Variants in OGFOD1 observed in about 807,000 individuals in gnomAD.
OGFOD1 encodes the protein prolyl 3-hydroxylase OGFOD1.
A neutral mutation model predicts 67.7 loss-of-function variants in OGFOD1; 54 were observed. The observed-to-expected ratio is 0.80, with a 90% CI of 0.64 to 1.00. The LOEUF is 1.00. Among genes scored for constraint, OGFOD1 ranks in the 50% least tolerant of loss-of-function variants. The probability of loss-of-function intolerance (pLI) is 0.00; values close to 1 mark genes in which losing one functional copy is unlikely to be tolerated. For synonymous variants in OGFOD1, 221 were observed against 227.0 expected, an observed-to-expected ratio of 0.97 and a Z score of 0.24; for missense variants, 606 against 646.7, an observed-to-expected ratio of 0.94 and a Z score of 0.68.
Position 56,466,206 on chromosome 16 carries a change from T to C in OGFOD1, c.503T>C (p.Leu168Pro), listed in dbSNP as rs1230690134. The change falls in exon 5 of 13, where the codon CTG becomes CCG. Residue 168 changes from leucine (L) to proline (P), a missense_variant. Coordinates refer to ENST00000566157, the MANE Select transcript of OGFOD1 (RefSeq NM_018233.4). ...GAAGGGCGCCGGATTGCCTTCATCC[T>C]GTACCTGGTTCCTCCCTGGGACAGG... is the stretch of plus-strand genomic sequence containing the variant. ...ELEGRRIAFI[L>P]YLVPPWDRSM... 1.2e-6 allele frequency: 2 copies of C among 1,614,142 alleles called. No individual in the cohort carries two copies. Among genetic ancestry groups the C allele is most frequent in the Non-Finnish European group, 1.7e-6 (2 of 1,179,986 alleles).
At position 56,470,666 on chromosome 16, in the gene OGFOD1, T is replaced by A; in HGVS notation, c.1160T>A (p.Ile387Asn). The A allele has an allele frequency of 6.2e-7, 1 of 1,614,100 alleles. No homozygotes were observed. Among genetic ancestry groups the A allele is most frequent in the Non-Finnish European group, 8.5e-7 (1 of 1,180,018 alleles). Reference sequence around the variant, plus strand: ...AAAAAAGAGGCAGAAACCACTGATATCACTGAAGAAGGGACTAGCCATAGT... The same window carrying A: ...AAAAAAGAGGCAGAAACCACTGATAACACTGAAGAAGGGACTAGCCATAGT... ...NDKKEAETTD[I>N]TEEGTSHSPP... The change falls in exon 10 of 13, where the codon ATC becomes AAC. Residue 387 changes from isoleucine (I) to asparagine (N), a missense_variant. Physicochemically the swap from Ile to Asn is moderately radical, Grantham distance 149. Coordinates refer to ENST00000566157, the MANE Select transcript of OGFOD1 (RefSeq NM_018233.4).
chr16:56,454,663 A>G (rs1172061001), intron 2 of OGFOD1: 2 of 343,148 alleles, frequency 5.8e-6, no homozygotes, highest in South Asian at 2.2e-5. Context: ...GAAAAAAAAA[A>G]GAAAGATTAA....
chr16:56,451,539 A>AT (rs771063435), upstream of OGFOD1: 17 of 1,517,916 alleles, frequency 1.1e-5, no homozygotes, highest in Non-Finnish European at 1.5e-5. Flanking sequence ...TAAAGGGGAC[A>AT]TGCCGGGAGT....
At chr16:56,470,447 C>A in intron 9 of OGFOD1, 40 bp from the exon 10 acceptor site, 2 of 1,537,814 alleles carry the variant, frequency 1.3e-6, no homozygotes, top group East Asian at 2.2e-5. Flanking sequence ...CATTTTACAT[C>A]TGTGGCTTTG....
At chr16:56,466,797 T>A in intron 5 of OGFOD1, 79 bp from the exon 6 acceptor site, 1 of 1,058,466 alleles carries the variant, frequency 9.4e-7, no homozygotes, top group African/African-American at 1.6e-5. Context: ...CCTCAGAAGT[T>A]TGGAAATTGT....
chr16:56,469,806 C>A (rs1426239803), intron 8 of OGFOD1, among the ~76,000 whole-genome samples, 197 bp from the exon 9 acceptor site: 1 of 143,622 alleles, frequency 7.0e-6, no homozygotes, highest in East Asian at 2.1e-4. Flanking sequence ...GCCGAGATCA[C>A]GCCATTGTAC....
chr16:56,469,040 G>A (rs1963030327), intron 8 of OGFOD1, among the ~76,000 whole-genome samples: 1 of 152,178 alleles, frequency 6.6e-6, no homozygotes, highest in Non-Finnish European at 1.5e-5. Context: ...GCATATTAAG[G>A]TTTTGAGAAG....
At chr16:56,467,401 C>A in intron 7 of OGFOD1, 108 bp downstream of exon 7, 1 of 1,248,778 alleles carries the variant, frequency 8.0e-7, no homozygotes, top group Non-Finnish European at 1.1e-6. Flanking sequence ...TTGAGCTTGC[C>A]CCTTTCCACT....
At position 56,476,820 on chromosome 16, in the gene OGFOD1, T is replaced by G. The variant is rs1276811570; in HGVS notation, c.*615T>G. On this transcript the variant is annotated 3_prime_UTR_variant, in exon 13 of 13. Coordinates refer to ENST00000566157, the MANE Select transcript of OGFOD1 (RefSeq NM_018233.4). ...TGCATCCATGTTTCCAGTGTTTCGGTTTTTTTAGAAAAACTCATACGTGAT... is the reference window on the plus strand; with the variant it reads ...TGCATCCATGTTTCCAGTGTTTCGGGTTTTTTAGAAAAACTCATACGTGAT... 1 of 152,282 alleles carries G rather than the reference T, an allele frequency of 6.6e-6. No homozygotes were observed. The allele number at this position is 152,282 out of a possible 1,614,324, so 9.4% of individuals were successfully genotyped here.
At chr16:56,465,882 A>G in intron 4 of OGFOD1, 1 of 304,610 alleles carries the variant, frequency 3.3e-6, no homozygotes, top group Non-Finnish European at 6.2e-6. Flanking sequence ...TATATGTAGG[A>G]AAAATACTGG....
At chr16:56,469,958 A>C (rs758949622) in intron 8 of OGFOD1, 45 bp from the exon 9 acceptor site, 1 of 1,545,384 alleles carries the variant, frequency 6.5e-7, no homozygotes, top group Non-Finnish European at 8.9e-7. Context: ...AGTGCGGGGT[A>C]ATAGGGAGAT....
rs1299896760 is a variant in OGFOD1 at position 56,477,424 on chromosome 16, T to G, written c.*1219T>G. 6.6e-6 allele frequency: 1 copy of G among 152,200 alleles called. No homozygotes were observed. Among genetic ancestry groups the G allele is most frequent in the Non-Finnish European group, 1.5e-5 (1 of 68,054 alleles). The allele number at this position is 152,200 out of a possible 1,614,324, so 9.4% of individuals were successfully genotyped here. A position where few individuals can be genotyped will look rare whatever the true frequency, so the allele number is the denominator to read the frequency against. On this transcript the variant is annotated 3_prime_UTR_variant, in exon 13 of 13. Coordinates refer to ENST00000566157, the MANE Select transcript of OGFOD1 (RefSeq NM_018233.4). The stretch of plus-strand genomic sequence containing the variant: ...ATAGGCTGCTTATTGCCATGTGTAG[T>G]CACTTCCAAGTGCCCACTGCCTTTC...
intron 10 of OGFOD1, among the ~76,000 whole-genome samples, chr16:56,471,595 C>A (rs78791310): frequency 0.039 from 5,991 of 152,262 alleles, 145 homozygotes; most frequent in East Asian, 0.13. Flanking sequence ...CCCAGTTTAC[C>A]ATTCCCTGCT....
intron 1 of OGFOD1, chr16:56,452,135 G>C (rs1962359108): frequency 5.4e-6 from 1 of 185,398 alleles, no homozygotes; most frequent in Non-Finnish European, 1.1e-5. Flanking sequence ...AAATGGGATA[G>C]TTCATAATAT....
At chr16:56,475,611 T>A in intron 12 of OGFOD1, 46 bp downstream of exon 12, 1 of 1,568,152 alleles carries the variant, frequency 6.4e-7, no homozygotes. Flanking sequence ...TTATTGAGAA[T>A]GCTTTCATTT....
chr16:56,460,689 G>A (rs774267875), intron 3 of OGFOD1, among the ~76,000 whole-genome samples: 40 of 152,178 alleles, frequency 2.6e-4, no homozygotes, highest in Non-Finnish European at 5.6e-4. Flanking sequence ...AAGGTATTTG[G>A]TAATGAAATC....
rs143083600 is a variant in OGFOD1 at position 56,462,749 on chromosome 16, G to A, written c.448+115G>A. 702 of 642,216 alleles carry A rather than the reference G, an allele frequency of 1.1e-3. 5 individuals are homozygous for A. The highest frequency in any genetic ancestry group is 2.3e-3 in the Middle Eastern group (9 of 3,954). The allele number at this position is 642,216 out of a possible 1,614,324, so 39.8% of individuals were successfully genotyped here. A position where few individuals can be genotyped will look rare whatever the true frequency, so the allele number is the denominator to read the frequency against. On this transcript the variant is annotated intron_variant, in intron 4 of 12. Coordinates refer to ENST00000566157, the MANE Select transcript of OGFOD1 (RefSeq NM_018233.4). ...AACTGAATGTCCCTGCAAAGCATCC[G>A]GATCTTCCTGATAAAGACCCAGTTC...
intron 6 of OGFOD1, 92 bp downstream of exon 6, chr16:56,467,059 T>C (rs1054553289): frequency 1.4e-5 from 22 of 1,547,264 alleles, no homozygotes; most frequent in Middle Eastern, 1.7e-4. Flanking sequence ...AGACTTGTTA[T>C]CTGATGTTGT....
At chr16:56,460,045 A>G (rs1015605520) in intron 3 of OGFOD1, among the ~76,000 whole-genome samples, 17 of 152,296 alleles carry the variant, frequency 1.1e-4, no homozygotes, top group Non-Finnish European at 1.6e-4. Context: ...AGCTTGCACA[A>G]TTTCTTCTAA....
Sources: gnomAD v4.1 joint callset for allele counts (sites outside exome capture counted in the v4.1 genomes callset) on GRCh38, gnomAD v4.1.1 for gene constraint, MANE v1.5 for transcripts, NCBI Gene and HGNC (gene_info 2026-07-23, HGNC 2026-07-21) for gene names.